Variants in PGC observed in about 807,000 individuals in gnomAD.
PGC encodes the protein progastricsin.
In PGC, 31 loss-of-function variants were observed where a neutral mutation model predicts 45.9. That is an observed-to-expected ratio of 0.67 (90% confidence interval 0.51 to 0.91). PGC has a LOEUF of 0.91. PGC is among the 40% of genes least tolerant of loss of function. The pLI is 0.00. For missense variants in PGC, 477 were observed against 493.2 expected (o/e 0.97, Z 0.31); for synonymous variants, 192 against 201.8 (o/e 0.95, Z 0.41).
At chr6:41,738,016 T>C (rs190692176) in intron 7 of PGC, among the ~76,000 whole-genome samples, 188 bp from the exon 8 acceptor site, 1 of 151,452 alleles carries the variant, frequency 6.6e-6, no homozygotes, top group Admixed American at 6.6e-5. Context: ...CATGGACTCA[T>C]AGAATGGGTG....
Position 41,742,937 on chromosome 6 carries a change from G to T in PGC, c.447+334C>A, listed in dbSNP as rs113299755. 2.9e-3 allele frequency among the ~76,000 whole-genome samples: 446 copies of T among 152,260 alleles called. 4 individuals are homozygous for T. The highest frequency in any genetic ancestry group is 0.01 in the African/African-American group (432 of 41,564). ...CCGTAGCCAGCCACCTCTGCCTCTT[G>T]ACAGGTGTTGCAGGAGCCACCTCTC... On this transcript the variant is annotated intron_variant, in intron 4 of 8. Coordinates refer to ENST00000373025, the MANE Select transcript of PGC (RefSeq NM_002630.4).
chr6:41,741,000 C>T (rs887644429), intron 5 of PGC: 1 of 1,534,206 alleles, frequency 6.5e-7, no homozygotes, highest in Non-Finnish European at 8.7e-7. Context: ...ATGCTGACTT[C>T]TGGGGGGTCC....
chr6:41,743,340 A>G lies in PGC; in HGVS notation c.378T>C (p.Asn126=), dbSNP rs1478948927. The change falls in exon 4 of 9, where the codon AAT becomes AAC. Residue 126 remains asparagine, a synonymous_variant. Coordinates refer to ENST00000373025, the MANE Select transcript of PGC (RefSeq NM_002630.4). The part of the protein sequence containing the change: ...NPSESSTYST[N]GQTFSLQYGS... ...CATACTGCAGGGAGAAGGTCTGCCCATTGGTGGAGTAGGTGGACGACTCGC... is the reference window on the plus strand; with the variant it reads ...CATACTGCAGGGAGAAGGTCTGCCCGTTGGTGGAGTAGGTGGACGACTCGC... 2 of 1,613,934 alleles carry G rather than the reference A, an allele frequency of 1.2e-6. No individual in the cohort carries two copies. The highest frequency in any genetic ancestry group is 3.3e-5 in the Admixed American group (2 of 59,998).
Position 41,739,916 on chromosome 6 carries a change from C to T in PGC, c.798G>A (p.Trp266Ter), listed in dbSNP as rs1771790105. 1 of 1,614,096 alleles carries T rather than the reference C, an allele frequency of 6.2e-7. No individual in the cohort carries two copies. Among genetic ancestry groups the T allele is most frequent in the Non-Finnish European group, 8.5e-7 (1 of 1,179,982 alleles). Residue 266 changes from tryptophan to a stop codon, truncating the protein, a stop_gained, in exon 7 of 9, where the codon TGG (tryptophan) becomes TGA (stop). Transcript: ENST00000373025. LOFTEE classifies it high-confidence loss of function. ...EFLIGGQASG[W>*]CSEGCQAIVD... is the part of the protein sequence containing the mutation. The stretch of plus-strand genomic sequence containing the variant: ...CGATGGCCTGGCAACCCTCAGAACA[C>T]CAGCCGGAGGCCTGGCCGCCGATGA...
At chr6:41,747,220 A>T (rs1771944960) in intron 1 of PGC, 56 bp downstream of exon 1, 1 of 1,496,650 alleles carries the variant, frequency 6.7e-7, no homozygotes, top group Admixed American at 1.7e-5. Context: ...TGCCCTTTGC[A>T]GGGCTTTAGG....
At chr6:41,741,878 A>C (rs80039733) in intron 5 of PGC, 3 of 1,476,450 alleles carry the variant, frequency 2.0e-6, no homozygotes, top group Non-Finnish European at 2.7e-6. Flanking sequence ...GAAGCAATAC[A>C]TTACTATGCA....
intron 8 of PGC, 35 bp downstream of exon 8, chr6:41,737,695 T>G (rs1228266667): frequency 1.5e-6 from 2 of 1,317,958 alleles, no homozygotes; most frequent in Non-Finnish European, 2.2e-6. Context: ...CCAACCCCAA[T>G]CATGGTGGCT....
intron 7 of PGC, 45 bp from the exon 8 acceptor site, chr6:41,737,873 A>G: frequency 9.0e-7 from 1 of 1,113,016 alleles, no homozygotes; most frequent in South Asian, 1.3e-5. Context: ...TCCCCCTGAT[A>G]GCACCCACCA....
At chr6:41,742,177 A>C (rs934501562) in intron 5 of PGC, 113 bp downstream of exon 5, 27 of 947,304 alleles carry the variant, frequency 2.9e-5, no homozygotes, top group Non-Finnish European at 4.3e-5. Context: ...GACTGGAGCC[A>C]GATGCCCGCT....
At chr6:41,745,061 T>C (rs1771907127) in intron 1 of PGC, among the ~76,000 whole-genome samples, 1 of 151,924 alleles carries the variant, frequency 6.6e-6, no homozygotes, top group Admixed American at 6.6e-5. Flanking sequence ...CCCTCTTTCT[T>C]ACAAAGCTCT....
chr6:41,746,596 C>A (rs74328612), intron 1 of PGC, among the ~76,000 whole-genome samples: 6,646 of 152,286 alleles, frequency 0.044, 555 homozygotes, highest in Admixed American at 0.21. Context: ...GGGGACTCTG[C>A]ATTCTCCAGA....
In PGC at chr6:41,737,741, A is replaced by G; in HGVS notation, c.1003T>C (p.Tyr335His). 1 of 1,595,182 alleles carries G rather than the reference A, an allele frequency of 6.3e-7. No homozygotes were observed. The highest frequency in any genetic ancestry group is 8.6e-7 in the Non-Finnish European group (1 of 1,162,798). Residue 335 changes from tyrosine (Y) to histidine (H), a missense_variant, in exon 8 of 9, where the codon TAT becomes CAT. Transcript: ENST00000373025. ...GVEFPLPPSS[Y>H]ILSNNGYCTV... Reference sequence around the variant, plus strand: ...GGACCAGGACTTACACTGAGGATATAGGAGGAAGGTGGCAGAGGGAACTCC... The same window carrying G: ...GGACCAGGACTTACACTGAGGATATGGGAGGAAGGTGGCAGAGGGAACTCC...
intron 5 of PGC, chr6:41,741,001 T>TG: frequency 1.0e-5 from 16 of 1,534,424 alleles, no homozygotes; most frequent in Non-Finnish European, 1.4e-5. Context: ...TGCTGACTTC[T>TG]GGGGGGTCCC....
chr6:41,741,108 CTTG>C (rs1470527650), intron 5 of PGC: 2 of 1,537,144 alleles, frequency 1.3e-6, no homozygotes, highest in South Asian at 2.4e-5. Flanking sequence ...CCCGGCCCAG[CTTG>C]TTACTTTTCT....
At chr6:41,738,638 T>TAAC (rs1031780512) in intron 7 of PGC, among the ~76,000 whole-genome samples, 29 of 136,244 alleles carry the variant, frequency 2.1e-4, no homozygotes, top group African/African-American at 7.5e-4. Flanking sequence ...AAAACAACAA[T>TAAC]AACAACAACA....
rs761358353 is a variant in PGC at position 41,744,850 on chromosome 6, C to T, written c.60-42G>A. ...TATGAGGCAAGGCCCTCCCTCCTTC[C>T]TCTCTTCCCACTCCTCTCTTTCTCT... On this transcript the variant is annotated intron_variant, in intron 1 of 8. Coordinates refer to ENST00000373025, the MANE Select transcript of PGC (RefSeq NM_002630.4). This position sits in a 1 kb window ranked among gnomAD's most constrained non-coding sequence, Gnocchi z 4.4. The T allele has an allele frequency of 1.4e-5, 22 of 1,570,560 alleles. No individual in the cohort carries two copies. In the South Asian group the frequency reaches 2.5e-4, roughly 18 times the overall value.
chr6:41,739,506 C>T (rs1181008801), intron 7 of PGC, among the ~76,000 whole-genome samples: 1 of 152,074 alleles, frequency 6.6e-6, no homozygotes, highest in Non-Finnish European at 1.5e-5. Flanking sequence ...GCAGCCTCCA[C>T]CTCCTGGGCT....
chr6:41,738,283 CACAT>C (rs1157206584), intron 7 of PGC, among the ~76,000 whole-genome samples: 2 of 131,468 alleles, frequency 1.5e-5, no homozygotes, highest in Non-Finnish European at 1.7e-5. Flanking sequence ...CACACACACA[CACAT>C]ACACAGGCAT....
intron 5 of PGC, 22 bp from the exon 6 acceptor site, chr6:41,740,632 G>C: frequency 6.3e-7 from 1 of 1,578,576 alleles, no homozygotes; most frequent in African/African-American, 1.4e-5. Flanking sequence ...AAAGGGAAGG[G>C]GAAGTCAGGG....
Sources: allele counts gnomAD v4.1 joint callset (sites outside exome capture counted in the v4.1 genomes callset), GRCh38; gene constraint gnomAD v4.1.1; non-coding constraint Gnocchi (gnomAD v3.1); transcripts MANE v1.5; gene names NCBI Gene and HGNC (gene_info 2026-07-23, HGNC 2026-07-21).